KPNA7: variants seen among roughly 807,000 people sequenced by gnomAD.
KPNA7 encodes the protein importin subunit alpha-8.
A neutral mutation model predicts 53.7 loss-of-function variants in KPNA7; 54 were observed. That is an observed-to-expected ratio of 1.01 (90% CI 0.81 to 1.26). The LOEUF is 1.26. Ranked by LOEUF, KPNA7 falls within the 50% of genes most tolerant of loss-of-function variation. The pLI is 0.00. For missense variants in KPNA7, 640 were observed against 644.5 expected (o/e 0.99, Z 0.07); for synonymous variants, 276 against 259.3 (o/e 1.06, Z -0.62).
Position 99,188,515 on chromosome 7 carries a change from T to C in KPNA7, c.685A>G (p.Asn229Asp). Residue 229 changes from asparagine (N) to aspartate (D), a missense_variant, in exon 7 of 11, where the codon AAC becomes GAC. Asn to Asp is a conservative substitution (Grantham distance 23). Coordinates refer to ENST00000327442, the MANE Select transcript of KPNA7 (RefSeq NM_001145715.3). ...ITWTLSNLCRNKNPYPCDTAV... is the reference protein window; with the variant it reads ...ITWTLSNLCRDKNPYPCDTAV... ...GTGTCGCAAGGGTATGGGTTCTTGT[T>C]TCGGCACAGATTCGACAAGGTCCAC... 1.3e-6 allele frequency: 2 copies of C among 1,551,716 alleles called. No individual in the cohort carries two copies. Among genetic ancestry groups the C allele is most frequent in the South Asian group, 1.2e-5 (1 of 84,056 alleles).
the KPNA7 span, among the ~76,000 whole-genome samples, chr7:99,165,319 G>T: frequency 6.9e-6 from 1 of 145,736 alleles, no homozygotes; most frequent in East Asian, 2.0e-4. Context: ...AAAAAAAAAG[G>T]CTCAGAGAAA....
chr7:99,199,098 T>TAAAAAAAAAAAAAAAAAAA (rs1790381297), intron 3 of KPNA7, among the ~76,000 whole-genome samples: 1 of 76,708 alleles, frequency 1.3e-5, no homozygotes. Flanking sequence ...AGGACTGAAA[T>TAAAAAAAAAAAAAAAAAAA]GAAAAGGTAT....
the KPNA7 span, among the ~76,000 whole-genome samples, chr7:99,146,103 T>C: frequency 3.0e-3 from 455 of 152,160 alleles, 5 homozygotes; most frequent in African/African-American, 0.011. Flanking sequence ...CGTTAGTATT[T>C]CCCCCCTATT....
intron 1 of KPNA7, among the ~76,000 whole-genome samples, chr7:99,216,195 G>A (rs547101375): frequency 6.6e-6 from 1 of 151,964 alleles, no homozygotes; most frequent in East Asian, 1.9e-4. Flanking sequence ...ACCCAGCTAA[G>A]TTTTTTGCAT....
At chr7:99,150,098 CTTTG>C in the KPNA7 span, among the ~76,000 whole-genome samples, 1 of 151,432 alleles carries the variant, frequency 6.6e-6, no homozygotes, top group East Asian at 2.0e-4. Flanking sequence ...CGCACCAGGC[CTTTG>C]TTTCTGTTTT....
intron 7 of KPNA7, 126 bp downstream of exon 7, chr7:99,188,174 C>CAAAAAAAAAAAAAAAAAAAAAA (rs59219718): frequency 2.8e-6 from 1 of 351,128 alleles, no homozygotes; most frequent in African/African-American, 5.8e-5. Context: ...GACTCTGTCT[C>CAAAAAAAAAAAAAAAAAAAAAA]AAAAAAAAAA....
At chr7:99,181,357 C>G (rs944335182) in intron 9 of KPNA7, among the ~76,000 whole-genome samples, 1 of 152,154 alleles carries the variant, frequency 6.6e-6, no homozygotes, top group Non-Finnish European at 1.5e-5. Context: ...TCTGTCACTC[C>G]CCTCATACAT....
chr7:99,167,228 C>T, the KPNA7 span, among the ~76,000 whole-genome samples: 1 of 152,154 alleles, frequency 6.6e-6, no homozygotes, highest in East Asian at 1.9e-4. Context: ...ATGCCTTTCC[C>T]GGAGATCTAC....
At chr7:99,188,607 A>G in intron 6 of KPNA7, 44 bp from the exon 7 acceptor site, 1 of 1,536,128 alleles carries the variant, frequency 6.5e-7, no homozygotes, top group Non-Finnish European at 8.8e-7. Context: ...CAAAGGAGAG[A>G]AAATGCAAAC....
chr7:99,191,469 G>T (rs1310466221), intron 6 of KPNA7, among the ~76,000 whole-genome samples: 4 of 152,094 alleles, frequency 2.6e-5, no homozygotes, highest in African/African-American at 9.7e-5. Context: ...CAGGCAACCA[G>T]AAGGGCCTTT....
At chr7:99,156,179 C>T in the KPNA7 span, among the ~76,000 whole-genome samples, 1 of 152,110 alleles carries the variant, frequency 6.6e-6, no homozygotes, top group South Asian at 2.1e-4. Context: ...CAAGTAACTT[C>T]CTTAGTACTT....
chr7:99,210,397 T>C (rs1451930964), upstream of KPNA7, among the ~76,000 whole-genome samples: 1 of 151,776 alleles, frequency 6.6e-6, no homozygotes, highest in East Asian at 1.9e-4. Flanking sequence ...CTACTCCCCA[T>C]GGTAACAGTA....
At chr7:99,204,542 A>C (rs937125020) in intron 2 of KPNA7, among the ~76,000 whole-genome samples, 4 of 152,192 alleles carry the variant, frequency 2.6e-5, no homozygotes, top group Non-Finnish European at 5.9e-5. Flanking sequence ...ACCATGTATT[A>C]GATACTTTTG....
intron 7 of KPNA7, 135 bp from the exon 8 acceptor site, chr7:99,185,297 T>C (rs1789523258): frequency 1.5e-6 from 1 of 660,472 alleles, no homozygotes; most frequent in Admixed American, 2.9e-5. Context: ...TGAACAGGAA[T>C]TGTATCTGTG....
At chr7:99,218,068 C>T (rs541763292) in intron 1 of KPNA7, among the ~76,000 whole-genome samples, 2 of 152,116 alleles carry the variant, frequency 1.3e-5, no homozygotes, top group East Asian at 1.9e-4. Flanking sequence ...GAAGTGATCT[C>T]GGCTCACTGC....
At chr7:99,166,460 G>A in the KPNA7 span, among the ~76,000 whole-genome samples, 2 of 152,002 alleles carry the variant, frequency 1.3e-5, no homozygotes, top group Admixed American at 1.3e-4. Flanking sequence ...GATTACAGGT[G>A]TGCACCACCA....
intron 1 of KPNA7, among the ~76,000 whole-genome samples, chr7:99,213,454 AAAAG>A (rs1563093632): frequency 2.1e-5 from 3 of 143,978 alleles, no homozygotes; most frequent in African/African-American, 8.3e-5. Flanking sequence ...AAAAAAAAAA[AAAAG>A]AGAGAGAGAC....
intron 6 of KPNA7, among the ~76,000 whole-genome samples, chr7:99,190,607 G>A (rs1011936111): frequency 6.6e-6 from 1 of 151,542 alleles, no homozygotes; most frequent in African/African-American, 2.4e-5. Context: ...AACTGTCCTT[G>A]TAGACCAGAC....
intron 5 of KPNA7, among the ~76,000 whole-genome samples, 161 bp downstream of exon 5, chr7:99,194,909 T>C (rs1563080932): frequency 6.6e-6 from 1 of 152,084 alleles, no homozygotes; most frequent in Admixed American, 6.6e-5. Flanking sequence ...CTGGCCTGGC[T>C]TTGAGTTTGG....
Sources: gnomAD v4.1 joint callset for allele counts (sites outside exome capture counted in the v4.1 genomes callset) on GRCh38, gnomAD v4.1.1 for gene constraint, MANE v1.5 for transcripts, NCBI Gene and HGNC (gene_info 2026-07-23, HGNC 2026-07-21) for gene names.